Variants in CAMK1D observed in about 807,000 individuals in gnomAD.
The protein encoded by CAMK1D is calcium/calmodulin dependent protein kinase ID, also known as calcium/calmodulin-dependent protein kinase type 1D.
In CAMK1D, 9 loss-of-function variants were observed where a neutral mutation model predicts 47.7. That is an observed-to-expected ratio of 0.19 (90% CI 0.11 to 0.33). CAMK1D has a LOEUF of 0.33. Among genes scored for constraint, CAMK1D ranks in the 10% least tolerant of loss-of-function variants. The pLI is 1.00. For missense variants in CAMK1D, 291 were observed against 488.7 expected (o/e 0.60, Z 3.81); for synonymous variants, 184 against 184.9 (o/e 0.99, Z 0.04).
chr10:12,478,595 T>C (rs1313971098), intron 1 of CAMK1D, among the ~76,000 whole-genome samples: 4 of 152,148 alleles, frequency 2.6e-5, no homozygotes, highest in Non-Finnish European at 5.9e-5. Flanking sequence ...GTCCTTATTT[T>C]AACAGTAATA....
chr10:12,571,466 A>AG (rs1214302370), intron 2 of CAMK1D, among the ~76,000 whole-genome samples: 1 of 134,840 alleles, frequency 7.4e-6, no homozygotes, highest in South Asian at 2.1e-4. Context: ...AAAAAAAAAA[A>AG]AAAAAGAAAA....
chr10:12,816,164 C>G, intron 7 of CAMK1D, 86 bp from the exon 8 acceptor site: 1 of 1,028,272 alleles, frequency 9.7e-7, no homozygotes, highest in Non-Finnish European at 1.5e-6. Context: ...ATGCTACACA[C>G]GCTCCTCCTG....
At chr10:12,581,279 A>G (rs1041100398) in intron 2 of CAMK1D, among the ~76,000 whole-genome samples, 1 of 151,872 alleles carries the variant, frequency 6.6e-6, no homozygotes, top group Non-Finnish European at 1.5e-5. Context: ...TTCCTTATCC[A>G]CTCGTTGATT....
intron 1 of CAMK1D, among the ~76,000 whole-genome samples, chr10:12,447,834 TA>T (rs1413615960): frequency 6.6e-6 from 1 of 152,132 alleles, no homozygotes; most frequent in East Asian, 1.9e-4. Flanking sequence ...TTGGCTGATT[TA>T]TTTTTTTTAC....
intron 1 of CAMK1D, among the ~76,000 whole-genome samples, chr10:12,391,939 C>T (rs1183716766): frequency 2.0e-5 from 3 of 151,812 alleles, no homozygotes; most frequent in African/African-American, 7.3e-5. Flanking sequence ...TGCACCACTG[C>T]ACTCCAGCCT....
chr10:12,621,472 G>A (rs1838994087), intron 2 of CAMK1D, among the ~76,000 whole-genome samples: 1 of 152,034 alleles, frequency 6.6e-6, no homozygotes, highest in Non-Finnish European at 1.5e-5. Context: ...CATTATGCAA[G>A]TCCTATAAAT....
intron 1 of CAMK1D, among the ~76,000 whole-genome samples, chr10:12,430,249 A>C (rs907783584): frequency 6.6e-6 from 1 of 152,132 alleles, no homozygotes; most frequent in African/African-American, 2.4e-5. Context: ...CCGTGAAAAG[A>C]CGGATTGCTC....
intron 1 of CAMK1D, among the ~76,000 whole-genome samples, chr10:12,467,077 C>T (rs1263705855): frequency 4.0e-5 from 6 of 151,892 alleles, no homozygotes; most frequent in Admixed American, 1.3e-4. Context: ...GTACGTGGCC[C>T]GCAGAAGGAA....
intron 2 of CAMK1D, among the ~76,000 whole-genome samples, chr10:12,627,955 C>T (rs1265681496): frequency 1.3e-5 from 2 of 152,066 alleles, no homozygotes; most frequent in East Asian, 1.9e-4. Context: ...GTGGCGCACA[C>T]CTGTAATCCC....
chr10:12,534,196 A>G (rs915035962), intron 1 of CAMK1D, among the ~76,000 whole-genome samples: 7 of 152,088 alleles, frequency 4.6e-5, no homozygotes, highest in South Asian at 2.1e-4. Flanking sequence ...CTGTCTATCT[A>G]TCTATCTGTC....
chr10:12,701,328 T>C (rs1833510883), intron 3 of CAMK1D, among the ~76,000 whole-genome samples: 1 of 152,194 alleles, frequency 6.6e-6, no homozygotes, highest in Admixed American at 6.5e-5. Flanking sequence ...CGGAAGTGAT[T>C]TGCAAACAAC....
intron 1 of CAMK1D, among the ~76,000 whole-genome samples, chr10:12,409,014 G>C (rs377190307): frequency 6.6e-6 from 1 of 151,840 alleles, no homozygotes. Flanking sequence ...GCACCACCAT[G>C]CCTGGCTAAT....
chr10:12,509,455 A>G lies in CAMK1D; in HGVS notation c.93-43770A>G, dbSNP rs930372965. Among the ~76,000 whole-genome samples the G allele has an allele frequency of 5.9e-5, 9 of 152,340 alleles. 2 individuals carry two copies. The highest frequency in any genetic ancestry group is 5.9e-4 in the Admixed American group (9 of 15,306). ...CTTGAGGTTTTAGAATGTGACTTCT[A>G]GGACTTCTAGGCTGGGTTCAGTGGC... On this transcript the variant is annotated intron_variant, in intron 1 of 10. Transcript: ENST00000619168.
chr10:12,799,557 C>T (rs770243358), intron 6 of CAMK1D, among the ~76,000 whole-genome samples: 4 of 152,214 alleles, frequency 2.6e-5, no homozygotes, highest in South Asian at 2.1e-4. Context: ...CATCGGTTAG[C>T]GCTTGGTGCT....
intron 2 of CAMK1D, among the ~76,000 whole-genome samples, chr10:12,666,004 A>G (rs1840417651): frequency 6.6e-6 from 1 of 152,214 alleles, no homozygotes; most frequent in Non-Finnish European, 1.5e-5. Flanking sequence ...TACAATACTG[A>G]TTCCTGGGCT....
At chr10:12,376,520 C>T (rs1296841717) in intron 1 of CAMK1D, among the ~76,000 whole-genome samples, 1 of 152,078 alleles carries the variant, frequency 6.6e-6, no homozygotes, top group Non-Finnish European at 1.5e-5. Flanking sequence ...GCCAGGGGCA[C>T]CTTCATGTGT....
chr10:12,740,413 A>G (rs1394876487), intron 3 of CAMK1D, among the ~76,000 whole-genome samples: 1 of 152,212 alleles, frequency 6.6e-6, no homozygotes, highest in African/African-American at 2.4e-5. Flanking sequence ...AGCCTGGGCA[A>G]CATGGCGAAA....
At chr10:12,660,637 C>T (rs1840248732) in intron 2 of CAMK1D, among the ~76,000 whole-genome samples, 1 of 152,220 alleles carries the variant, frequency 6.6e-6, no homozygotes, top group Non-Finnish European at 1.5e-5. Flanking sequence ...TCTACCATTT[C>T]TGTGCATTAT....
At chr10:12,758,875 A>G (rs2482061) in intron 3 of CAMK1D, among the ~76,000 whole-genome samples, 145,887 of 152,200 alleles carry the variant, frequency 0.96, 70,055 homozygotes, top group Non-Finnish European at 0.99. Flanking sequence ...AGTGAGAAGC[A>G]AGCCCTGGAG....
Sources: gnomAD v4.1 joint callset for allele counts (sites outside exome capture counted in the v4.1 genomes callset) on GRCh38, gnomAD v4.1.1 for gene constraint, MANE v1.5 for transcripts, NCBI Gene and HGNC (gene_info 2026-07-23, HGNC 2026-07-21) for gene names.